Variants in PTP4A1 observed in about 807,000 individuals in gnomAD.
PTP4A1 encodes protein tyrosine phosphatase 4A1.
PTP4A1 carries 9 observed loss-of-function variants against 20.5 expected under a neutral mutation model. That is an observed-to-expected ratio of 0.44 (90% CI 0.26 to 0.77). The LOEUF (loss-of-function observed/expected upper bound fraction) is 0.77, where lower values mean the gene tolerates loss of function less well. PTP4A1 is among the 30% of genes least tolerant of loss of function. The pLI, the probability that PTP4A1 is intolerant of heterozygous loss-of-function variation, is 0.19. For synonymous variants in PTP4A1, 78 were observed against 67.4 expected (o/e 1.16, Z -0.77); for missense variants, 137 against 218.8 (o/e 0.63, Z 2.36).
intron 5 of PTP4A1, among the ~76,000 whole-genome samples, chr6:63,579,662 AT>A (rs541395104): frequency 2.7e-3 from 418 of 152,352 alleles, no homozygotes; most frequent in African/African-American, 9.3e-3. Flanking sequence ...CCAGTTGACA[AT>A]AACAGCCAAA....
intron 3 of PTP4A1, among the ~76,000 whole-genome samples, chr6:63,561,490 C>T (rs559684572): frequency 8.5e-5 from 13 of 152,242 alleles, no homozygotes; most frequent in African/African-American, 3.1e-4. Flanking sequence ...ATCTTTAGAC[C>T]TTTCTATTCT....
chr6:63,520,666 TAAA>T (rs1178752047), upstream of PTP4A1, among the ~76,000 whole-genome samples: 41 of 126,514 alleles, frequency 3.2e-4, no homozygotes, highest in African/African-American at 1.2e-3. Context: ...AATAAATAAA[TAAA>T]TAAAATGAAA....
intron 2 of PTP4A1, among the ~76,000 whole-genome samples, chr6:63,547,187 ATTTTTTTT>A (rs543564867): frequency 7.5e-6 from 1 of 133,984 alleles, no homozygotes; most frequent in African/African-American, 2.8e-5. Flanking sequence ...GTAGGGGGGA[ATTTTTTTT>A]TTTTTTTTTT....
At chr6:63,556,843 C>T (rs571133297) in intron 3 of PTP4A1, among the ~76,000 whole-genome samples, 5 of 152,268 alleles carry the variant, frequency 3.3e-5, no homozygotes, top group African/African-American at 9.6e-5. Flanking sequence ...AATTAGTAAA[C>T]AATCTGTAGC....
chr6:63,560,367 A>G (rs1325669439), intron 3 of PTP4A1, among the ~76,000 whole-genome samples: 3 of 150,764 alleles, frequency 2.0e-5, no homozygotes, highest in Non-Finnish European at 4.4e-5. Flanking sequence ...AGAAAGAAAG[A>G]AAAGAAGTGA....
chr6:63,527,181 C>G (rs1257081312), intron 1 of PTP4A1, among the ~76,000 whole-genome samples: 1 of 152,154 alleles, frequency 6.6e-6, no homozygotes, highest in Non-Finnish European at 1.5e-5. Flanking sequence ...TACAGTGAGT[C>G]TTCCTCAGAA....
chr6:63,539,023 G>A (rs1775837941), intron 2 of PTP4A1, among the ~76,000 whole-genome samples: 1 of 151,978 alleles, frequency 6.6e-6, no homozygotes, highest in Admixed American at 6.6e-5. Context: ...TTCCCACATA[G>A]CTGGGATTAC....
chr6:63,552,329 C>T (rs1279036100), intron 3 of PTP4A1, among the ~76,000 whole-genome samples: 1 of 152,136 alleles, frequency 6.6e-6, no homozygotes, highest in Non-Finnish European at 1.5e-5. Context: ...GCATAAATGT[C>T]TTCTTTTGAG....
chr6:63,545,885 AAATAAAAATAAACCTGGTTCTG>A (rs1433282899), intron 2 of PTP4A1, among the ~76,000 whole-genome samples: 1 of 152,222 alleles, frequency 6.6e-6, no homozygotes, highest in Admixed American at 6.5e-5. Flanking sequence ...AAAGAAAGAA[AAATAAAAATAAACCTGGTTCTG>A]TTATTCAAAA....
At chr6:63,517,897 C>T (rs1744149), upstream of PTP4A1, among the ~76,000 whole-genome samples, 81,457 of 151,974 alleles carry the variant, frequency 0.54, 23,654 homozygotes, top group African/African-American at 0.77. Flanking sequence ...CTCACGCCTG[C>T]AATCCCAACA....
upstream of PTP4A1, among the ~76,000 whole-genome samples, chr6:63,567,898 T>C (rs1370729430): frequency 6.6e-6 from 1 of 152,262 alleles, no homozygotes; most frequent in African/African-American, 2.4e-5. Flanking sequence ...TTCATTTTTA[T>C]GTTAGGGAGA....
intron 1 of PTP4A1, among the ~76,000 whole-genome samples, chr6:63,524,265 G>A (rs546088321): frequency 3.3e-5 from 5 of 152,158 alleles, no homozygotes; most frequent in Admixed American, 6.5e-5. Flanking sequence ...GATTACAGAC[G>A]TGAGCCCCCA....
intron 4 of PTP4A1, 79 bp from the exon 5 acceptor site, chr6:63,579,178 G>C (rs1257226941): frequency 6.8e-7 from 1 of 1,461,566 alleles, no homozygotes; most frequent in Non-Finnish European, 9.4e-7. Context: ...ATACTTCTGA[G>C]TTGGGGAATG....
intron 2 of PTP4A1, among the ~76,000 whole-genome samples, chr6:63,550,113 T>C (rs1776372012): frequency 6.6e-6 from 1 of 152,140 alleles, no homozygotes; most frequent in African/African-American, 2.4e-5. Flanking sequence ...TTTAAACAGA[T>C]AAATTTTAAA....
chr6:63,526,420 C>A (rs1175619354), intron 1 of PTP4A1, among the ~76,000 whole-genome samples: 1 of 152,044 alleles, frequency 6.6e-6, no homozygotes, highest in Non-Finnish European at 1.5e-5. Context: ...ATGAAGAATT[C>A]TTACATAATC....
chr6:63,534,819 T>TCTTTAGTAAAGAATTTCATAAAGAATTC (rs1335329146), intron 2 of PTP4A1, among the ~76,000 whole-genome samples: 1 of 152,032 alleles, frequency 6.6e-6, no homozygotes, highest in Non-Finnish European at 1.5e-5. Context: ...ATAAAGAATT[T>TCTTTAGTAAAGAATTTCATAAAGAATTC]CTTTACTAAA....
upstream of PTP4A1, chr6:63,571,979 C>T (rs906807085): frequency 2.0e-5 from 3 of 152,192 alleles, no homozygotes; most frequent in Non-Finnish European, 2.9e-5. Context: ...GACGAAGGTA[C>T]TCGGGGCCCA....
At chr6:63,549,670 C>G (rs939358184) in intron 2 of PTP4A1, among the ~76,000 whole-genome samples, 3 of 151,214 alleles carry the variant, frequency 2.0e-5, no homozygotes, top group African/African-American at 7.3e-5. Flanking sequence ...ACGGATAGAA[C>G]TGGAGGACAT....
Position 63,538,598 on chromosome 6 carries a change from A to G in PTP4A1, c.-640+10514A>G, listed in dbSNP as rs1295399861. The stretch of plus-strand genomic sequence containing the variant: ...AGCATATAAAATAGTGCAAATACCA[A>G]GAAATAGCATGCAAAAAGAAAAAAA... On this transcript the variant is annotated intron_variant, in intron 2 of 3. Coordinates refer to the PTP4A1 transcript ENST00000639568. 2.6e-5 allele frequency among the ~76,000 whole-genome samples: 4 copies of G among 152,236 alleles called. No homozygotes were observed. In the East Asian group the frequency reaches 7.7e-4, roughly 29 times the overall value.
Sources: allele counts gnomAD v4.1 joint callset (sites outside exome capture counted in the v4.1 genomes callset), GRCh38; gene constraint gnomAD v4.1.1; transcripts MANE v1.5; gene names NCBI Gene and HGNC (gene_info 2026-07-23, HGNC 2026-07-21).